Variants in TRIM33 observed in about 807,000 individuals in gnomAD.
TRIM33 encodes the protein tripartite motif containing 33.
Under a neutral mutation model 125.4 loss-of-function variants are expected in TRIM33, and 20 were observed. The observed-to-expected ratio is 0.16, with a 90% CI of 0.11 to 0.23. TRIM33 has a LOEUF of 0.23. Among genes scored for constraint, TRIM33 ranks in the 10% least tolerant of loss-of-function variants. The pLI is 1.00. For synonymous variants in TRIM33, 564 were observed against 513.9 expected (o/e 1.10, Z -1.32); for missense variants, 920 against 1,411.4 (o/e 0.65, Z 5.58).
At chr1:114,410,938 G>A (rs969635064) in intron 11 of TRIM33, among the ~76,000 whole-genome samples, 2 of 152,068 alleles carry the variant, frequency 1.3e-5, no homozygotes, top group African/African-American at 2.4e-5. Flanking sequence ...GCAGAACTCC[G>A]ATGATTAAAT....
intron 3 of TRIM33, 32 bp from the exon 4 acceptor site, chr1:114,463,268 C>A: frequency 6.4e-7 from 1 of 1,569,418 alleles, no homozygotes; most frequent in South Asian, 1.2e-5. Context: ...ATTTTTTAAC[C>A]AAACATAAAA....
intron 1 of TRIM33, among the ~76,000 whole-genome samples, chr1:114,491,834 G>A (rs1024553968): frequency 6.6e-6 from 1 of 151,988 alleles, no homozygotes; most frequent in African/African-American, 2.4e-5. Context: ...ATATATCGCT[G>A]GTTCATTAAC....
At position 114,421,559 on chromosome 1, in the gene TRIM33, A is replaced by G. The variant is rs1231012889; in HGVS notation, c.1938T>C (p.Thr646=). 6.2e-7 allele frequency: 1 copy of G among 1,614,028 alleles called. No homozygotes were observed. The highest frequency in any genetic ancestry group is 1.3e-5 in the African/African-American group (1 of 74,910). The change falls in exon 11 of 20, where the codon ACT becomes ACC. Residue 646 remains threonine, a synonymous_variant. Transcript: ENST00000358465. ...GGTTTGCATTTGCCATAGTTGCTGT[A>G]GTAGGGCTCGTTGGGTTGATTGTGG... ...HNTTINPTSP[T]TATMANANRG...
In TRIM33 at chr1:114,407,358, G is replaced by A. The variant is rs548145430; in HGVS notation, c.2259-258C>T. Among the ~76,000 whole-genome samples, 191 of 150,974 alleles carry A rather than the reference G, an allele frequency of 1.3e-3. 5 individuals are homozygous for A. The highest frequency in any genetic ancestry group is 0.012 in the Admixed American group (177 of 15,076). ...AAGCACTTTCTTCACACACACACAC[G>A]CACACACACACACTCCTATTTCTTA... is the stretch of plus-strand genomic sequence containing the variant. On this transcript the variant is annotated intron_variant, in intron 13 of 19. Transcript: ENST00000358465.
chr1:114,416,340 A>T (rs1467050125), intron 11 of TRIM33, among the ~76,000 whole-genome samples: 3 of 152,186 alleles, frequency 2.0e-5, no homozygotes, highest in Non-Finnish European at 4.4e-5. Context: ...ACTACAAAAC[A>T]TTCCCTGTTT....
intron 1 of TRIM33, among the ~76,000 whole-genome samples, chr1:114,474,906 A>C (rs1251531468): frequency 1.3e-5 from 2 of 151,020 alleles, no homozygotes; most frequent in African/African-American, 2.5e-5. Context: ...AAAAAAAAAA[A>C]CAAGCAGGAG....
At chr1:114,412,072 G>T (rs1187283188) in intron 11 of TRIM33, among the ~76,000 whole-genome samples, 3 of 151,412 alleles carry the variant, frequency 2.0e-5, no homozygotes, top group Admixed American at 2.0e-4. Flanking sequence ...ACCAATCAAA[G>T]AAATGAAAAT....
chr1:114,443,408 T>C (rs925225021), intron 4 of TRIM33, among the ~76,000 whole-genome samples: 1 of 151,982 alleles, frequency 6.6e-6, no homozygotes, highest in Non-Finnish European at 1.5e-5. Context: ...AATGAATGAA[T>C]GAATGAATGA....
At chr1:114,427,508 C>T (rs891174272) in intron 7 of TRIM33, among the ~76,000 whole-genome samples, 1 of 152,058 alleles carries the variant, frequency 6.6e-6, no homozygotes, top group Non-Finnish European at 1.5e-5. Context: ...TAGGTATCTT[C>T]AAAAGAGTAC....
intron 7 of TRIM33, 55 bp downstream of exon 7, chr1:114,427,693 A>AAT: frequency 6.5e-6 from 10 of 1,528,496 alleles, no homozygotes; most frequent in Non-Finnish European, 8.0e-6. Flanking sequence ...CAATTCACTG[A>AAT]ATATATATCT....
chr1:114,494,676 C>T (rs1557901152), intron 1 of TRIM33, among the ~76,000 whole-genome samples: 1 of 152,156 alleles, frequency 6.6e-6, no homozygotes, highest in Non-Finnish European at 1.5e-5. Context: ...AAATGATATT[C>T]AAAGGCCAAC....
rs1259084495 is a variant in TRIM33 at position 114,396,921 on chromosome 1, A to C, written c.*727T>G. 4.7e-6 allele frequency: 1 copy of C among 214,498 alleles called. No individual in the cohort carries two copies. The highest frequency in any genetic ancestry group is 9.4e-6 in the Non-Finnish European group (1 of 106,184). The allele number at this position is 214,498 out of a possible 1,614,324, so 13.3% of individuals were successfully genotyped here. A position where few individuals can be genotyped will look rare whatever the true frequency, so the allele number is the denominator to read the frequency against. Reference sequence around the variant, plus strand: ...AATTGTGAGGAAGTGTTTTCTGGAAACAACTACTATAACTCTAAATAATCC... The same window carrying C: ...AATTGTGAGGAAGTGTTTTCTGGAACCAACTACTATAACTCTAAATAATCC... On this transcript the variant is annotated 3_prime_UTR_variant, in exon 20 of 20. Coordinates refer to ENST00000358465, the MANE Select transcript of TRIM33 (RefSeq NM_015906.4).
At chr1:114,439,454 G>C (rs1648507695) in intron 4 of TRIM33, among the ~76,000 whole-genome samples, 1 of 110,046 alleles carries the variant, frequency 9.1e-6, no homozygotes, top group Non-Finnish European at 1.7e-5. Flanking sequence ...GGGCGACAGA[G>C]AGAGACTCTG....
intron 7 of TRIM33, 142 bp downstream of exon 7, chr1:114,427,606 G>C (rs1206003121): frequency 1.3e-6 from 1 of 768,490 alleles, no homozygotes; most frequent in East Asian, 2.8e-5. Context: ...AACTTTGGGG[G>C]GTGGTGGAAG....
chr1:114,508,197 T>C (rs1049815538), intron 1 of TRIM33, among the ~76,000 whole-genome samples: 1 of 152,142 alleles, frequency 6.6e-6, no homozygotes, highest in Non-Finnish European at 1.5e-5. Flanking sequence ...AAATATTACT[T>C]AAGATTGACA....
intron 4 of TRIM33, among the ~76,000 whole-genome samples, chr1:114,458,502 T>G (rs953080841): frequency 6.6e-6 from 1 of 152,176 alleles, no homozygotes; most frequent in Non-Finnish European, 1.5e-5. Flanking sequence ...CATAACTCAC[T>G]GCACAAAGAC....
At chr1:114,452,727 TAAAAAAAA>T (rs34364866) in intron 4 of TRIM33, among the ~76,000 whole-genome samples, 4 of 107,726 alleles carry the variant, frequency 3.7e-5, no homozygotes, top group African/African-American at 1.4e-4. Flanking sequence ...CCCCATCTCT[TAAAAAAAA>T]AAAAAAAAAA....
intron 8 of TRIM33, 40 bp downstream of exon 8, chr1:114,427,137 A>G (rs1290447179): frequency 2.1e-6 from 2 of 941,430 alleles, no homozygotes; most frequent in Non-Finnish European, 3.3e-6. Context: ...CTTCTAATTC[A>G]GTGTTCCAAG....
In TRIM33 at chr1:114,457,356, T is replaced by G. The variant is rs1146149; in HGVS notation, c.923+5748A>C. On this transcript the variant is annotated intron_variant, in intron 4 of 19. Coordinates refer to ENST00000358465, the MANE Select transcript of TRIM33 (RefSeq NM_015906.4). ...ACCCAGCAGCAACCACTAGGATTTTTGGACCAGAAGATGTCCAGATGCCAT... is the reference window on the plus strand; with the variant it reads ...ACCCAGCAGCAACCACTAGGATTTTGGGACCAGAAGATGTCCAGATGCCAT... Among the ~76,000 whole-genome samples, 508 of 152,268 alleles carry G rather than the reference T, an allele frequency of 3.3e-3. 3 individuals carry two copies. The highest frequency in any genetic ancestry group is 0.011 in the African/African-American group (471 of 41,552).
Sources: gnomAD v4.1 joint callset for allele counts (sites outside exome capture counted in the v4.1 genomes callset) on GRCh38, gnomAD v4.1.1 for gene constraint, MANE v1.5 for transcripts, NCBI Gene and HGNC (gene_info 2026-07-23, HGNC 2026-07-21) for gene names.